RIMKLB: variants seen among roughly 807,000 people sequenced by gnomAD.
RIMKLB encodes beta-citrylglutamate synthase B.
In RIMKLB, 7 loss-of-function variants were observed where a neutral mutation model predicts 32.0. That is an observed-to-expected ratio of 0.22 (90% CI 0.12 to 0.41). The LOEUF (loss-of-function observed/expected upper bound fraction) is 0.41. Among genes scored for constraint, RIMKLB ranks in the 10% least tolerant of loss-of-function variants. RIMKLB has a pLI of 1.00. For synonymous variants in RIMKLB, 172 were observed against 185.1 expected (o/e 0.93, Z 0.57); for missense variants, 289 against 498.7 (o/e 0.58, Z 4.00).
intron 5 of RIMKLB, among the ~76,000 whole-genome samples, chr12:8,771,785 T>G (rs1019168929): frequency 1.3e-5 from 2 of 152,220 alleles, no homozygotes; most frequent in Non-Finnish European, 2.9e-5. Context: ...CTTATACAGT[T>G]TTCTGGAAAA....
At chr12:8,718,097 T>C (rs1945040656) in intron 2 of RIMKLB, among the ~76,000 whole-genome samples, 1 of 152,174 alleles carries the variant, frequency 6.6e-6, no homozygotes, top group South Asian at 2.1e-4. Context: ...TTTTCACAAC[T>C]ATCCCACTGT....
the RIMKLB span, among the ~76,000 whole-genome samples, chr12:8,674,611 G>A: frequency 4.0e-5 from 6 of 151,576 alleles, no homozygotes; most frequent in East Asian, 1.9e-4. Context: ...GTGCAGTGGC[G>A]ATATCTCAGT....
At chr12:8,694,164 TGGAGGTTGCAGTGAG>T, upstream of RIMKLB, among the ~76,000 whole-genome samples, 1 of 151,684 alleles carries the variant, frequency 6.6e-6, no homozygotes, top group South Asian at 2.1e-4. Context: ...ACCTGGGAGG[TGGAGGTTGCAGTGAG>T]CCAAGATCTC....
rs566444459 is a variant in RIMKLB, at chr12:8,746,267, C to G, written c.176-3595C>G. ...GGTTTTTTTCAATTTTTAGAATGCT[C>G]TTTAGATTTGCTTATCTAGGCAAGT... On this transcript the variant is annotated intron_variant, in intron 2 of 5. Transcript: ENST00000535829. 7.9e-5 allele frequency among the ~76,000 whole-genome samples: 12 copies of G among 151,690 alleles called. No homozygotes were observed. The South Asian group carries it at 2.5e-3, about 31-fold the overall frequency.
At chr12:8,754,352 A>G (rs1294644196) in intron 5 of RIMKLB, among the ~76,000 whole-genome samples, 2 of 152,182 alleles carry the variant, frequency 1.3e-5, no homozygotes, top group Non-Finnish European at 2.9e-5. Context: ...TTACACATGT[A>G]TTGGTTATCT....
intron 5 of RIMKLB, among the ~76,000 whole-genome samples, chr12:8,763,088 A>T (rs1949668467): frequency 1.3e-5 from 2 of 152,196 alleles, no homozygotes; most frequent in Non-Finnish European, 2.9e-5. Context: ...TTACATTATG[A>T]GATGTCCACA....
At chr12:8,727,999 G>A (rs1420640839) in intron 2 of RIMKLB, among the ~76,000 whole-genome samples, 1 of 152,112 alleles carries the variant, frequency 6.6e-6, no homozygotes, top group Non-Finnish European at 1.5e-5. Flanking sequence ...CACAGTTAGG[G>A]CCAACTTTTG....
intron 7 of RIMKLB, among the ~76,000 whole-genome samples, chr12:8,782,590 GAATAGTTTT>G (rs1951156768): frequency 6.6e-6 from 1 of 152,096 alleles, no homozygotes; most frequent in African/African-American, 2.4e-5. Context: ...CAGGGAGTTA[GAATAGTTTT>G]TCCTGAAGGA....
chr12:8,778,524 T>A (rs1369207203), downstream of RIMKLB, among the ~76,000 whole-genome samples: 1 of 152,168 alleles, frequency 6.6e-6, no homozygotes, highest in Non-Finnish European at 1.5e-5. Flanking sequence ...GGAGGACATT[T>A]CTGAAGCACA....
At chr12:8,701,616 C>A (rs1379899474) in intron 1 of RIMKLB, among the ~76,000 whole-genome samples, 1 of 148,674 alleles carries the variant, frequency 6.7e-6, no homozygotes, top group Non-Finnish European at 1.5e-5. Flanking sequence ...AGTTATATGA[C>A]CGTTATGGGA....
chr12:8,757,525 T>TA (rs533712575), intron 5 of RIMKLB, among the ~76,000 whole-genome samples: 1 of 150,550 alleles, frequency 6.6e-6, no homozygotes, highest in Admixed American at 6.6e-5. Context: ...CAAAAAGGTA[T>TA]AAAGGATTCC....
chr12:8,775,891 C>T lies in RIMKLB; in HGVS notation c.*2107C>T. 1.0e-6 allele frequency: 1 copy of T among 985,062 alleles called. No homozygotes were observed. Among genetic ancestry groups the T allele is most frequent in the Non-Finnish European group, 1.2e-6 (1 of 829,654 alleles). The allele number at this position is 985,062 out of a possible 1,614,324, so 61.0% of individuals were successfully genotyped here. On this transcript the variant is annotated 3_prime_UTR_variant, in exon 6 of 6. Transcript: ENST00000535829. ...GCAGGGTAAATGGGGGACTCACATA[C>T]ATATATTAATACCTCTGACTCATTA...
chr12:8,777,215 CTTTTTTTTTT>C (rs35828763), downstream of RIMKLB: 240 of 703,912 alleles, frequency 3.4e-4, no homozygotes, highest in Admixed American at 1.4e-3. Flanking sequence ...TGCTTGCTTT[CTTTTTTTTTT>C]TTTTTTTTTT....
At chr12:8,711,963 T>C (rs1395316433) in intron 1 of RIMKLB, among the ~76,000 whole-genome samples, 1 of 152,162 alleles carries the variant, frequency 6.6e-6, no homozygotes, top group South Asian at 2.1e-4. Flanking sequence ...GAATTGACAG[T>C]GCAGGTTTGC....
chr12:8,682,895 C>T (rs775539656), intron 1 of RIMKLB, among the ~76,000 whole-genome samples: 1 of 151,824 alleles, frequency 6.6e-6, no homozygotes, highest in South Asian at 2.1e-4. Flanking sequence ...CTCAGCCTCC[C>T]AAAGTGCTGG....
intron 5 of RIMKLB, among the ~76,000 whole-genome samples, chr12:8,757,470 C>CAAAAA (rs55670138): frequency 5.6e-5 from 4 of 71,414 alleles, no homozygotes; most frequent in African/African-American, 2.0e-4. Flanking sequence ...GACCCTGTCT[C>CAAAAA]AAAAAAAAAA....
At chr12:8,738,128 G>A (rs948934920) in intron 2 of RIMKLB, among the ~76,000 whole-genome samples, 3 of 152,104 alleles carry the variant, frequency 2.0e-5, no homozygotes, top group African/African-American at 7.2e-5. Context: ...TGGGAGCCTC[G>A]ACCTACCTGG....
chr12:8,677,361 C>G (rs915597685), upstream of RIMKLB, among the ~76,000 whole-genome samples: 1 of 152,114 alleles, frequency 6.6e-6, no homozygotes, highest in African/African-American at 2.4e-5. Flanking sequence ...TAACTTGAGT[C>G]CCAGCACATA....
intron 2 of RIMKLB, among the ~76,000 whole-genome samples, chr12:8,735,164 A>C (rs1260221822): frequency 1.3e-5 from 2 of 152,214 alleles, no homozygotes; most frequent in Non-Finnish European, 2.9e-5. Context: ...AATATTTGGT[A>C]ATGATGTCAG....
Sources: allele counts gnomAD v4.1 joint callset (sites outside exome capture counted in the v4.1 genomes callset), GRCh38; gene constraint gnomAD v4.1.1; transcripts MANE v1.5; gene names NCBI Gene and HGNC (gene_info 2026-07-23, HGNC 2026-07-21).